Variants in APBB2 observed in about 807,000 individuals in gnomAD.
APBB2 encodes the protein Fe65-like 1.
A neutral mutation model predicts 82.5 loss-of-function variants in APBB2; 38 were observed. The observed-to-expected ratio is 0.46, with a 90% CI of 0.36 to 0.60. The LOEUF (loss-of-function observed/expected upper bound fraction) is 0.60, where lower values mean the gene tolerates loss of function less well. Among genes scored for constraint, APBB2 ranks in the 20% least tolerant of loss-of-function variants. The probability of loss-of-function intolerance (pLI) is 0.00; values close to 1 mark genes in which losing one functional copy is unlikely to be tolerated. For missense variants in APBB2, 772 were observed against 972.3 expected (o/e 0.79, Z 2.74); for synonymous variants, 341 against 368.2 (o/e 0.93, Z 0.85).
intron 2 of APBB2, among the ~76,000 whole-genome samples, chr4:41,140,810 A>G (rs908775028): frequency 8.1e-4 from 124 of 152,156 alleles, no homozygotes; most frequent in African/African-American, 2.9e-3. Context: ...TCTAGGTTGC[A>G]TGCTTCCTAT....
chr4:41,038,995 C>T (rs1279752945), intron 4 of APBB2, among the ~76,000 whole-genome samples: 1 of 152,160 alleles, frequency 6.6e-6, no homozygotes, highest in Non-Finnish European at 1.5e-5. Context: ...CTGCCAATAA[C>T]ATCAATTGCA....
chr4:40,965,125 A>AT (rs1553884723), intron 6 of APBB2, among the ~76,000 whole-genome samples: 180 of 151,350 alleles, frequency 1.2e-3, no homozygotes, highest in African/African-American at 3.6e-3. Flanking sequence ...ATCTCAAAAA[A>AT]TTAAAAAAAA....
chr4:41,084,279 C>T (rs1280630359), intron 3 of APBB2, among the ~76,000 whole-genome samples: 1 of 152,084 alleles, frequency 6.6e-6, no homozygotes, highest in Non-Finnish European at 1.5e-5. Context: ...ACAAAATTAA[C>T]CAGGCATGGT....
chr4:40,998,737 C>T (rs908993258), intron 6 of APBB2, among the ~76,000 whole-genome samples: 4 of 152,122 alleles, frequency 2.6e-5, no homozygotes, highest in South Asian at 2.1e-4. Context: ...AAATTGCCAG[C>T]GTCACTCCTC....
intron 6 of APBB2, among the ~76,000 whole-genome samples, chr4:40,952,483 A>T (rs554701846): frequency 2.3e-4 from 35 of 152,294 alleles, no homozygotes; most frequent in Non-Finnish European, 4.4e-4. Context: ...AATATTTCAT[A>T]ATTTTTAAAA....
chr4:41,030,898 A>G (rs1433822491), intron 5 of APBB2, among the ~76,000 whole-genome samples: 1 of 152,042 alleles, frequency 6.6e-6, no homozygotes, highest in African/African-American at 2.4e-5. Context: ...TGAAGGGCCA[A>G]TAGGAGTTTC....
intron 5 of APBB2, among the ~76,000 whole-genome samples, chr4:41,014,703 G>C (rs749902216): frequency 6.6e-6 from 1 of 152,142 alleles, no homozygotes; most frequent in Non-Finnish European, 1.5e-5. Context: ...ATTTTCTTCT[G>C]GTGGCTGGTC....
intron 1 of APBB2, among the ~76,000 whole-genome samples, chr4:41,158,083 T>C (rs1283337811): frequency 6.6e-6 from 1 of 152,092 alleles, no homozygotes; most frequent in Non-Finnish European, 1.5e-5. Flanking sequence ...AAGTGGGATA[T>C]TCGTGGGGAC....
chr4:40,820,404 C>T (rs1319589419), intron 17 of APBB2, among the ~76,000 whole-genome samples: 2 of 152,182 alleles, frequency 1.3e-5, no homozygotes. Flanking sequence ...GTGGCTCATG[C>T]CGGTAATCCC....
chr4:41,110,206 G>A (rs1748696682), intron 2 of APBB2, among the ~76,000 whole-genome samples: 1 of 152,232 alleles, frequency 6.6e-6, no homozygotes, highest in Non-Finnish European at 1.5e-5. Flanking sequence ...GCCCGTGGCT[G>A]CCACACATGT....
intron 4 of APBB2, among the ~76,000 whole-genome samples, chr4:41,055,042 C>T (rs887348990): frequency 1.3e-5 from 2 of 152,162 alleles, no homozygotes; most frequent in Non-Finnish European, 2.9e-5. Context: ...CCGCCTTCTC[C>T]AACCTCATCT....
intron 10 of APBB2, among the ~76,000 whole-genome samples, chr4:40,918,878 T>G (rs1229862082): frequency 6.6e-6 from 1 of 152,108 alleles, no homozygotes; most frequent in Non-Finnish European, 1.5e-5. Flanking sequence ...CCCAGAGTGC[T>G]GGGATTACAG....
intron 3 of APBB2, among the ~76,000 whole-genome samples, chr4:41,080,616 A>C (rs1388697920): frequency 6.6e-6 from 1 of 151,784 alleles, no homozygotes; most frequent in African/African-American, 2.4e-5. Context: ...TTGTCAAGAG[A>C]TCAATCCCTC....
At chr4:41,125,896 G>A (rs904500549) in intron 2 of APBB2, among the ~76,000 whole-genome samples, 6 of 152,106 alleles carry the variant, frequency 3.9e-5, no homozygotes, top group African/African-American at 9.7e-5. Flanking sequence ...AAAGACAGCC[G>A]TCCACAAAGC....
At chr4:40,851,290 C>A (rs1759258786) in intron 12 of APBB2, among the ~76,000 whole-genome samples, 1 of 152,136 alleles carries the variant, frequency 6.6e-6, no homozygotes, top group African/African-American at 2.4e-5. Context: ...TAGAACCAAA[C>A]AACCTTTTGC....
chr4:41,012,162 T>C lies in APBB2; in HGVS notation c.835+1421A>G, dbSNP rs75039878. ...GAGCCACTGTGCCTGAACAAAACTT[T>C]AGGTTAGTTTAAAACTTAACTACAA... On this transcript the variant is annotated intron_variant, in intron 6 of 17. Coordinates refer to ENST00000508593, the MANE Select transcript of APBB2 (RefSeq NM_004307.2). Among the ~76,000 whole-genome samples, 324 of 152,324 alleles carry C rather than the reference T, an allele frequency of 2.1e-3. 2 individuals are homozygous for C. The highest frequency in any genetic ancestry group is 7.4e-3 in the African/African-American group (308 of 41,578).
chr4:40,901,909 A>ATATGTG (rs766567645), intron 10 of APBB2, among the ~76,000 whole-genome samples: 8 of 145,436 alleles, frequency 5.5e-5, no homozygotes, highest in African/African-American at 2.0e-4. Context: ...ATCCAAAATT[A>ATATGTG]TGTGTGTGTG....
intron 6 of APBB2, among the ~76,000 whole-genome samples, chr4:40,969,061 G>T (rs375666383): frequency 1.2e-4 from 18 of 152,312 alleles, no homozygotes; most frequent in African/African-American, 4.1e-4. Context: ...TGATTGTGAG[G>T]CCTCCCCAGC....
chr4:40,955,576 G>C (rs80118540), intron 6 of APBB2, among the ~76,000 whole-genome samples: 2,510 of 152,196 alleles, frequency 0.016, 40 homozygotes, highest in Non-Finnish European at 0.025. Context: ...TATTCTCGAC[G>C]GAGCTTAACG....
Sources: allele counts gnomAD v4.1 joint callset (sites outside exome capture counted in the v4.1 genomes callset), GRCh38; gene constraint gnomAD v4.1.1; transcripts MANE v1.5; gene names NCBI Gene and HGNC (gene_info 2026-07-23, HGNC 2026-07-21).